The following CNTN5 variants were observed in gnomAD, a reference collection of about 807,000 sequenced individuals.
CNTN5 encodes the protein contactin 5.
Under a neutral mutation model 129.1 loss-of-function variants are expected in CNTN5, and 77 were observed. That is an observed-to-expected ratio of 0.60 (90% CI 0.50 to 0.72). The LOEUF is 0.72. Ranked by LOEUF, CNTN5 falls within the 30% of genes least tolerant of loss-of-function variation. The pLI, the probability that CNTN5 is intolerant of heterozygous loss-of-function variation, is 0.00. For missense variants in CNTN5, 1,478 were observed against 1,328.8 expected (o/e 1.11, Z -1.75); for synonymous variants, 509 against 465.6 (o/e 1.09, Z -1.20).
At chr11:99,924,679 A>G (rs1430435620) in intron 7 of CNTN5, among the ~76,000 whole-genome samples, 1 of 151,726 alleles carries the variant, frequency 6.6e-6, no homozygotes, top group Non-Finnish European at 1.5e-5. Flanking sequence ...TCTGTGGTTT[A>G]TTTGCCCTCT....
intron 1 of CNTN5, among the ~76,000 whole-genome samples, chr11:99,242,476 C>CT (rs1268876598): frequency 1.3e-5 from 2 of 151,548 alleles, no homozygotes; most frequent in African/African-American, 2.4e-5. Flanking sequence ...TTAGGGCAAA[C>CT]TTTTTTTTTC....
chr11:99,175,719 C>G (rs1023892834), intron 1 of CNTN5, among the ~76,000 whole-genome samples: 5 of 152,046 alleles, frequency 3.3e-5, no homozygotes, highest in Non-Finnish European at 5.9e-5. Flanking sequence ...ATTAGATAAA[C>G]TGCAAAAATT....
At position 99,815,823 on chromosome 11, in the gene CNTN5, C is replaced by G. The variant is rs553330229; in HGVS notation, c.56-3721C>G. On this transcript the variant is annotated intron_variant, in intron 3 of 24. Transcript: ENST00000524871. ...TGTTGAAATTCAAGTATTGGCATTT[C>G]TGTCTATTTCATCTTATTATTCCAT... 2.0e-5 allele frequency among the ~76,000 whole-genome samples: 3 copies of G among 152,308 alleles called. No individual in the cohort carries two copies. In the South Asian group the frequency reaches 6.2e-4, roughly 32 times the overall value.
Position 99,142,400 on chromosome 11 carries a change from C to T in CNTN5, c.-210+121130C>T, listed in dbSNP as rs567083019. ...CCGGCAAAGCAGCAGGGGGAATCTG[C>T]AGGCAGGTGCGCACCAATGGAGGGA... On this transcript the variant is annotated intron_variant, in intron 1 of 24. Transcript: ENST00000524871. 6.6e-5 allele frequency among the ~76,000 whole-genome samples: 10 copies of T among 152,192 alleles called. 1 individual carries two copies. The South Asian group carries it at 1.9e-3, about 28-fold the overall frequency.
rs561316305 is a variant in CNTN5, at chr11:99,427,998, A to C, written c.-71+102514A>C. Among the ~76,000 whole-genome samples, 12 of 152,104 alleles carry C rather than the reference A, an allele frequency of 7.9e-5. No homozygotes were observed. The South Asian group carries it at 2.3e-3, about 29-fold the overall frequency. On this transcript the variant is annotated intron_variant, in intron 2 of 24. Transcript: ENST00000524871. ...TTTTCTTTTTACAAACCTTATTAAGACTTATAGAAATTTGTGAGATGCTTA... is the reference window on the plus strand; with the variant it reads ...TTTTCTTTTTACAAACCTTATTAAGCCTTATAGAAATTTGTGAGATGCTTA...
At chr11:100,308,716 G>A in intron 21 of CNTN5, 1 of 1,087,018 alleles carries the variant, frequency 9.2e-7, no homozygotes. Context: ...TAGAGTTTTA[G>A]ACAAAAGCAG....
At chr11:99,923,757 G>GTCTATCTA (rs11271049) in intron 7 of CNTN5, among the ~76,000 whole-genome samples, 11,132 of 140,548 alleles carry the variant, frequency 0.079, 504 homozygotes, top group East Asian at 0.14. Context: ...CTATCTGTCT[G>GTCTATCTA]TCTATCTATC....
intron 1 of CNTN5, among the ~76,000 whole-genome samples, chr11:99,201,997 C>A (rs1859234297): frequency 6.6e-6 from 1 of 152,120 alleles, no homozygotes; most frequent in Non-Finnish European, 1.5e-5. Flanking sequence ...GCGTGTTTTG[C>A]ACAAATATGT....
Position 99,132,210 on chromosome 11 carries a change from T to TA in CNTN5, c.-210+110952dup, listed in dbSNP as rs34834590. ...GATAAAATTTAACATCCTTTCATGT[T>TA]AAAAAAAAAAAACTCTCAATAAACT... On this transcript the variant is annotated intron_variant, in intron 1 of 24. Coordinates refer to ENST00000524871, the MANE Select transcript of CNTN5 (RefSeq NM_014361.4). 5.5e-3 allele frequency among the ~76,000 whole-genome samples: 820 copies of TA among 148,768 alleles called. 11 individuals are homozygous for TA. Among genetic ancestry groups the TA allele is most frequent in the African/African-American group, 0.019 (757 of 40,616 alleles).
At chr11:99,924,830 G>T (rs2136049347) in intron 7 of CNTN5, among the ~76,000 whole-genome samples, 1 of 152,152 alleles carries the variant, frequency 6.6e-6, no homozygotes, top group African/African-American at 2.4e-5. Context: ...TTTTTGAACA[G>T]TTTCAATGCA....
intron 1 of CNTN5, among the ~76,000 whole-genome samples, chr11:99,323,223 A>G (rs182767459): frequency 5.5e-4 from 83 of 152,288 alleles, no homozygotes; most frequent in African/African-American, 2.0e-3. Context: ...ATGCTAAATA[A>G]GTGTTTAAGA....
At chr11:99,153,321 G>A (rs1423888513) in intron 1 of CNTN5, among the ~76,000 whole-genome samples, 1 of 152,052 alleles carries the variant, frequency 6.6e-6, no homozygotes, top group Non-Finnish European at 1.5e-5. Context: ...TAAAGGGTTT[G>A]TTCATTCCTT....
At chr11:100,308,811 T>C in intron 21 of CNTN5, 1 of 987,586 alleles carries the variant, frequency 1.0e-6, no homozygotes, top group African/African-American at 1.7e-5. Flanking sequence ...ATTTAATGTA[T>C]AAATACAAGT....
intron 2 of CNTN5, among the ~76,000 whole-genome samples, chr11:99,385,304 T>G (rs959485414): frequency 1.2e-4 from 19 of 152,062 alleles, no homozygotes; most frequent in African/African-American, 4.6e-4. Flanking sequence ...TCTCAACCCC[T>G]GAAACACCCC....
At chr11:99,367,278 C>T (rs1939512460) in intron 2 of CNTN5, among the ~76,000 whole-genome samples, 1 of 152,052 alleles carries the variant, frequency 6.6e-6, no homozygotes, top group African/African-American at 2.4e-5. Context: ...AAGTGAAATC[C>T]ATTGACTGTA....
intron 13 of CNTN5, among the ~76,000 whole-genome samples, chr11:100,114,827 T>A (rs539698453): frequency 2.6e-5 from 4 of 152,118 alleles, no homozygotes; most frequent in Non-Finnish European, 5.9e-5. Flanking sequence ...TACCAGTCAC[T>A]ATGCTTAGTG....
intron 3 of CNTN5, among the ~76,000 whole-genome samples, chr11:99,715,717 A>G (rs1435314199): frequency 6.6e-6 from 1 of 152,034 alleles, no homozygotes; most frequent in Non-Finnish European, 1.5e-5. Context: ...AGCATTTGAT[A>G]GATTTTAATA....
chr11:99,596,634 T>C (rs1950134810), intron 3 of CNTN5, among the ~76,000 whole-genome samples: 1 of 152,170 alleles, frequency 6.6e-6, no homozygotes, highest in African/African-American at 2.4e-5. Context: ...ATTAGTATAC[T>C]TGGTACCATT....
chr11:100,126,132 G>C (rs904237866), intron 13 of CNTN5, among the ~76,000 whole-genome samples: 3 of 151,928 alleles, frequency 2.0e-5, no homozygotes, highest in African/African-American at 7.2e-5. Context: ...TCTTGGTATT[G>C]GTTTACAGTT....
Sources: allele counts gnomAD v4.1 joint callset (sites outside exome capture counted in the v4.1 genomes callset), GRCh38; gene constraint gnomAD v4.1.1; transcripts MANE v1.5; gene names NCBI Gene and HGNC (gene_info 2026-07-23, HGNC 2026-07-21).